N4BP2: variants seen among roughly 807,000 people sequenced by gnomAD.
The protein encoded by N4BP2 is NEDD4-binding protein 2.
N4BP2 carries 91 observed loss-of-function variants against 152.8 expected under a neutral mutation model. That is an observed-to-expected ratio of 0.60 (90% CI 0.50 to 0.71). The LOEUF (loss-of-function observed/expected upper bound fraction) is 0.71, where lower values mean the gene tolerates loss of function less well. Ranked by LOEUF, N4BP2 falls within the 30% of genes least tolerant of loss-of-function variation. N4BP2 has a pLI of 0.00. For synonymous variants in N4BP2, 646 were observed against 705.3 expected (o/e 0.92, Z 1.33); for missense variants, 1,923 against 2,059.1 (o/e 0.93, Z 1.28).
At chr4:40,139,513 A>C (rs1385416669) in intron 14 of N4BP2, among the ~76,000 whole-genome samples, 1 of 130,656 alleles carries the variant, frequency 7.7e-6, no homozygotes, top group East Asian at 2.2e-4. Flanking sequence ...TTTTTTTGAG[A>C]CAGAGACTCA....
rs1252749380 is a variant in N4BP2 at position 40,091,086 on chromosome 4, TAC to T, written c.-114-6139_-114-6138del. ...TGTGTTTTTTGCTAGTATGTATAAA[TAC>T]AGTTTCTTTTATATGTTTATCTTGT... On this transcript the variant is annotated intron_variant, in intron 2 of 17. Transcript: ENST00000261435. 5.4e-5 allele frequency among the ~76,000 whole-genome samples: 8 copies of T among 148,904 alleles called. No individual in the cohort carries two copies. The Admixed American group carries it at 5.4e-4, about 10-fold the overall frequency.
chr4:40,148,043 G>A (rs1290665135), intron 16 of N4BP2, among the ~76,000 whole-genome samples: 4 of 152,292 alleles, frequency 2.6e-5, no homozygotes, highest in Middle Eastern at 6.8e-3. Context: ...CATCCCAGAC[G>A]GGGTGGCGGC....
chr4:40,107,659 C>T (rs1382154141), intron 5 of N4BP2, among the ~76,000 whole-genome samples: 1 of 152,194 alleles, frequency 6.6e-6, no homozygotes, highest in Non-Finnish European at 1.5e-5. Flanking sequence ...GCTGAGATTA[C>T]AGGTGTGAGC....
intron 16 of N4BP2, among the ~76,000 whole-genome samples, chr4:40,146,336 A>G (rs1307285563): frequency 6.6e-6 from 1 of 152,018 alleles, no homozygotes; most frequent in Non-Finnish European, 1.5e-5. Flanking sequence ...CTTGACCCCC[A>G]TACTAGTTAG....
the N4BP2 span, chr4:40,167,689 G>T: frequency 6.6e-6 from 1 of 152,190 alleles, no homozygotes; most frequent in African/African-American, 2.4e-5. Context: ...TTCAAGAAAT[G>T]AGAAGGTAAA....
chr4:40,138,498 T>C (rs1719608979), intron 14 of N4BP2, among the ~76,000 whole-genome samples: 1 of 152,240 alleles, frequency 6.6e-6, no homozygotes, highest in Non-Finnish European at 1.5e-5. Flanking sequence ...TGTCATGAAC[T>C]TTCCTCCTGT....
At position 40,102,425 on chromosome 4, in the gene N4BP2, C is replaced by G; in HGVS notation, c.580C>G (p.Gln194Glu). Residue 194 changes from glutamine (Q) to glutamate (E), a missense_variant, in exon 4 of 18, where the codon CAA becomes GAA. By Grantham distance (29) the Gln-to-Glu change is conservative. Coordinates refer to ENST00000261435, the MANE Select transcript of N4BP2 (RefSeq NM_018177.6). ...SSNMTPIFST[Q>E]NMNLNGENLE... Reference sequence around the variant, plus strand: ...TAATATGACTCCCATTTTTTCTACACAAAATATGAATTTGAACGGTGAAAA... The same window carrying G: ...TAATATGACTCCCATTTTTTCTACAGAAAATATGAATTTGAACGGTGAAAA... 6.2e-7 allele frequency: 1 copy of G among 1,610,528 alleles called. No individual in the cohort carries two copies. The highest frequency in any genetic ancestry group is 1.3e-5 in the African/African-American group (1 of 74,720).
chr4:40,127,746 C>T (rs1264479189), intron 12 of N4BP2, among the ~76,000 whole-genome samples: 2 of 152,038 alleles, frequency 1.3e-5, no homozygotes, highest in Admixed American at 1.3e-4. Context: ...CTGCATGCTC[C>T]GTCTCCCGGG....
chr4:40,106,431 C>T (rs970944433), intron 4 of N4BP2, among the ~76,000 whole-genome samples: 1 of 152,146 alleles, frequency 6.6e-6, no homozygotes, highest in Non-Finnish European at 1.5e-5. Context: ...ATCCTCTCAA[C>T]TTAGCTTCCC....
At chr4:40,103,817 T>C (rs1715943093) in intron 4 of N4BP2, among the ~76,000 whole-genome samples, 1 of 152,196 alleles carries the variant, frequency 6.6e-6, no homozygotes, top group African/African-American at 2.4e-5. Context: ...TGCCTTAATC[T>C]GGGAGACAGG....
At chr4:40,134,995 T>C (rs1314896124) in intron 13 of N4BP2, among the ~76,000 whole-genome samples, 3 of 150,120 alleles carry the variant, frequency 2.0e-5, no homozygotes, top group Non-Finnish European at 3.0e-5. Flanking sequence ...ATGTGCACAA[T>C]GTGCAGGTTA....
Position 40,117,891 on chromosome 4 carries a change from A to G in N4BP2, c.1687A>G (p.Lys563Glu). The change falls in exon 8 of 18, where the codon AAA becomes GAA. Residue 563 changes from lysine to glutamate, a missense_variant. Lys to Glu is a moderately conservative substitution (Grantham distance 56, BLOSUM62 1). Coordinates refer to ENST00000261435, the MANE Select transcript of N4BP2 (RefSeq NM_018177.6). ...CAGGCGTAACATTCATGGGGTAAGC[A>G]AAGAAAAAATAACAAGAATGTTGGA... ...LARRNIHGVS[K>E]EKITRMLEHY... 1.2e-6 allele frequency: 2 copies of G among 1,610,860 alleles called. No individual in the cohort carries two copies. Among genetic ancestry groups the G allele is most frequent in the Non-Finnish European group, 1.7e-6 (2 of 1,178,700 alleles).
At chr4:40,067,009 A>G (rs1314263807) in intron 1 of N4BP2, among the ~76,000 whole-genome samples, 1 of 150,684 alleles carries the variant, frequency 6.6e-6, no homozygotes, top group Non-Finnish European at 1.5e-5. Flanking sequence ...CACTTAGCAT[A>G]ATGTCCTCAA....
Position 40,112,113 on chromosome 4 carries a change from C to T in N4BP2, c.1528C>T (p.Pro510Ser). 6.4e-7 allele frequency: 1 copy of T among 1,560,194 alleles called. No homozygotes were observed. Among genetic ancestry groups the T allele is most frequent in the African/African-American group, 1.4e-5 (1 of 72,552 alleles). Residue 510 changes from proline to serine, a missense_variant, in exon 6 of 18, where the codon CCT becomes TCT. Physicochemically the swap from Pro to Ser is moderately conservative, Grantham distance 74. Coordinates refer to ENST00000261435, the MANE Select transcript of N4BP2 (RefSeq NM_018177.6). ...AGAAGCATTTGAGAAGAAGATATCT[C>T]CTATAATTATAGATAATACAAACCT... ...AKEAFEKKIS[P>S]IIIDNTNLQA... is the part of the protein sequence containing the mutation.
At chr4:40,140,834 A>G (rs1208257923) in intron 14 of N4BP2, among the ~76,000 whole-genome samples, 1 of 151,432 alleles carries the variant, frequency 6.6e-6, no homozygotes, top group Non-Finnish European at 1.5e-5. Context: ...AACAAAGCAC[A>G]TCTTGCACCG....
At chr4:40,067,240 A>G (rs1711608834) in intron 1 of N4BP2, among the ~76,000 whole-genome samples, 1 of 151,126 alleles carries the variant, frequency 6.6e-6, no homozygotes, top group Admixed American at 6.6e-5. Context: ...TGTAGACATG[A>G]GGTTTTGCCA....
chr4:40,087,373 GT>G (rs966785275), intron 2 of N4BP2, among the ~76,000 whole-genome samples: 90 of 151,736 alleles, frequency 5.9e-4, no homozygotes, highest in African/African-American at 1.2e-4. Flanking sequence ...AAAAAATTAG[GT>G]TTTTTTTGAG....
intron 2 of N4BP2, among the ~76,000 whole-genome samples, chr4:40,092,959 TA>T (rs1184041736): frequency 3.4e-5 from 5 of 148,682 alleles, no homozygotes; most frequent in African/African-American, 1.2e-4. Flanking sequence ...TTTTTTTTTT[TA>T]AAGATGGAGT....
chr4:40,078,149 A>ATG (rs1712966093), intron 2 of N4BP2, among the ~76,000 whole-genome samples: 2 of 86,080 alleles, frequency 2.3e-5, no homozygotes, highest in Admixed American at 1.3e-4. Context: ...GTGTGTGTGT[A>ATG]TGTGTGTATT....
Sources: allele counts gnomAD v4.1 joint callset (sites outside exome capture counted in the v4.1 genomes callset), GRCh38; gene constraint gnomAD v4.1.1; transcripts MANE v1.5; gene names NCBI Gene and HGNC (gene_info 2026-07-23, HGNC 2026-07-21).